Variants in LRRC4C observed in about 807,000 individuals in gnomAD.
The protein encoded by LRRC4C is leucine-rich repeat-containing protein 4C.
In LRRC4C, 5 loss-of-function variants were observed where a neutral mutation model predicts 33.6. The observed-to-expected ratio is 0.15, with a 90% CI of 0.08 to 0.31. The LOEUF is 0.31. Among genes scored for constraint, LRRC4C ranks in the 10% least tolerant of loss-of-function variants. The pLI, the probability that LRRC4C is intolerant of heterozygous loss-of-function variation, is 1.00. For synonymous variants in LRRC4C, 329 were observed against 302.0 expected, an observed-to-expected ratio of 1.09 and a Z score of -0.93; for missense variants, 560 against 796.7, an observed-to-expected ratio of 0.70 and a Z score of 3.58.
chr11:41,385,399 C>T (rs1265954983), intron 1 of LRRC4C, among the ~76,000 whole-genome samples: 1 of 151,424 alleles, frequency 6.6e-6, no homozygotes, highest in Admixed American at 6.6e-5. Flanking sequence ...GAACAAATTT[C>T]AAATGCTTGG....
intron 1 of LRRC4C, among the ~76,000 whole-genome samples, chr11:41,064,539 T>C (rs963035708): frequency 6.6e-6 from 1 of 152,194 alleles, no homozygotes; most frequent in African/African-American, 2.4e-5. Flanking sequence ...TAGAGGTGCC[T>C]AATTATTCTT....
intron 3 of LRRC4C, among the ~76,000 whole-genome samples, chr11:40,461,602 A>G (rs1952399657): frequency 6.6e-6 from 1 of 151,288 alleles, no homozygotes; most frequent in Admixed American, 6.6e-5. Context: ...TGAAATAACC[A>G]ACTTAAACCA....
intron 1 of LRRC4C, among the ~76,000 whole-genome samples, chr11:41,089,520 T>C (rs1220419624): frequency 6.6e-6 from 1 of 152,020 alleles, no homozygotes; most frequent in Non-Finnish European, 1.5e-5. Context: ...AAGGCCAGTT[T>C]TCATAGGATC....
chr11:40,233,286 A>G (rs1865334176), intron 5 of LRRC4C, among the ~76,000 whole-genome samples: 1 of 152,218 alleles, frequency 6.6e-6, no homozygotes, highest in Admixed American at 6.5e-5. Flanking sequence ...GCGATGGCTC[A>G]GTCACAGCAT....
At chr11:40,561,696 G>A (rs1004592089) in intron 3 of LRRC4C, among the ~76,000 whole-genome samples, 1 of 152,120 alleles carries the variant, frequency 6.6e-6, no homozygotes, top group African/African-American at 2.4e-5. Flanking sequence ...ACAGGCATGA[G>A]CCACCGCGCC....
chr11:41,311,259 T>C (rs940696019), intron 1 of LRRC4C, among the ~76,000 whole-genome samples: 3 of 152,138 alleles, frequency 2.0e-5, no homozygotes, highest in East Asian at 1.9e-4. Flanking sequence ...AATTAAGAAA[T>C]TGGTTCTCAG....
intron 2 of LRRC4C, among the ~76,000 whole-genome samples, chr11:40,775,646 A>G (rs997971787): frequency 1.3e-5 from 2 of 152,126 alleles, no homozygotes; most frequent in Non-Finnish European, 2.9e-5. Flanking sequence ...AACTTACTGA[A>G]GTTGTTTTTC....
intron 3 of LRRC4C, among the ~76,000 whole-genome samples, chr11:40,461,899 A>G (rs1008552009): frequency 6.6e-6 from 1 of 151,666 alleles, no homozygotes; most frequent in African/African-American, 2.4e-5. Flanking sequence ...GCATAGTTAT[A>G]AATTATAAAA....
At chr11:40,263,001 T>G (rs931524047) in intron 4 of LRRC4C, among the ~76,000 whole-genome samples, 20 of 152,182 alleles carry the variant, frequency 1.3e-4, no homozygotes, top group Admixed American at 1.1e-3. Flanking sequence ...AAAAAGAATT[T>G]TTTTTGGCCA....
chr11:41,212,157 G>A (rs1435470978), intron 1 of LRRC4C, among the ~76,000 whole-genome samples: 1 of 152,106 alleles, frequency 6.6e-6, no homozygotes, highest in South Asian at 2.1e-4. Context: ...TTTGAAGAAG[G>A]CATAGTCTTC....
rs772580836 is a variant in LRRC4C at position 40,365,647 on chromosome 11, TG to T, written c.-269-45927del. On this transcript the variant is annotated intron_variant, in intron 3 of 6. Transcript: ENST00000528697. ...TAAACATTTTTTTTAAACAATAGTA[TG>T]TTACAAGAAGTAAATGTCATGAGTG... is the stretch of plus-strand genomic sequence containing the variant. Among the ~76,000 whole-genome samples the T allele has an allele frequency of 1.3e-3, 198 of 152,138 alleles. 1 individual carries two copies. Among genetic ancestry groups the T allele is most frequent in the Non-Finnish European group, 2.2e-3 (150 of 67,942 alleles).
chr11:40,761,924 T>C (rs1236177403), intron 2 of LRRC4C, among the ~76,000 whole-genome samples: 3 of 152,152 alleles, frequency 2.0e-5, no homozygotes, highest in Non-Finnish European at 4.4e-5. Context: ...ACAAGCAGTA[T>C]ACTACCATTT....
chr11:41,338,359 A>G (rs1040384269), intron 1 of LRRC4C, among the ~76,000 whole-genome samples: 1 of 152,222 alleles, frequency 6.6e-6, no homozygotes, highest in African/African-American at 2.4e-5. Flanking sequence ...AATAGAATGT[A>G]GCCATAAAGA....
At chr11:40,829,412 G>A (rs1246102813) in intron 2 of LRRC4C, among the ~76,000 whole-genome samples, 1 of 151,948 alleles carries the variant, frequency 6.6e-6, no homozygotes, top group African/African-American at 2.4e-5. Context: ...TGCTTTTGCA[G>A]AGCAACATAT....
At chr11:40,221,032 T>C (rs1864376201) in intron 5 of LRRC4C, among the ~76,000 whole-genome samples, 1 of 152,026 alleles carries the variant, frequency 6.6e-6, no homozygotes, top group South Asian at 2.1e-4. Context: ...TCGGCCACCA[T>C]GCCCAGCTAA....
chr11:41,255,293 G>A lies in LRRC4C; in HGVS notation c.-496+204138C>T, dbSNP rs189915969. ...GCCTTGTGCCTTTATCATCTAAAAC[G>A]ATCTGAGCTGGGTGGTGCTTAGAAG... is the stretch of plus-strand genomic sequence containing the variant. On this transcript the variant is annotated intron_variant, in intron 1 of 6. Coordinates refer to ENST00000528697, the MANE Select transcript of LRRC4C (RefSeq NM_001258419.2). Among the ~76,000 whole-genome samples, 329 of 152,062 alleles carry A rather than the reference G, an allele frequency of 2.2e-3. 2 individuals are homozygous for A. The highest frequency in any genetic ancestry group is 7.5e-3 in the African/African-American group (312 of 41,520).
rs377718515 is a variant in LRRC4C at position 40,743,155 on chromosome 11, A to G, written c.-406-94877T>C. Among the ~76,000 whole-genome samples the G allele has an allele frequency of 8.0e-4, 122 of 152,228 alleles. 2 individuals are homozygous for G. In the South Asian group the frequency reaches 0.017, roughly 21 times the overall value. ...CATTAGGAATATTCCCTGGTATTCA[A>G]TGAACATGAATTTCTTAGTCAAATC... is the stretch of plus-strand genomic sequence containing the variant. On this transcript the variant is annotated intron_variant, in intron 2 of 6. Transcript: ENST00000528697.
chr11:40,506,084 T>C (rs1955020596), intron 3 of LRRC4C, among the ~76,000 whole-genome samples: 1 of 152,200 alleles, frequency 6.6e-6, no homozygotes, highest in African/African-American at 2.4e-5. Flanking sequence ...AGGTATGTTC[T>C]ATGTTTACAA....
chr11:40,988,715 T>C (rs1370902910), intron 1 of LRRC4C, among the ~76,000 whole-genome samples: 41 of 108,018 alleles, frequency 3.8e-4, no homozygotes, highest in Middle Eastern at 4.4e-3. Context: ...TTTCTTTTCT[T>C]TTTTTTTTTT....
Sources: gnomAD v4.1 joint callset for allele counts (sites outside exome capture counted in the v4.1 genomes callset) on GRCh38, gnomAD v4.1.1 for gene constraint, MANE v1.5 for transcripts, NCBI Gene and HGNC (gene_info 2026-07-23, HGNC 2026-07-21) for gene names.